Variants in CALN1 observed in about 807,000 individuals in gnomAD.
CALN1 encodes calcium-binding protein 8.
Under a neutral mutation model 30.6 loss-of-function variants are expected in CALN1, and 17 were observed. The observed-to-expected ratio is 0.56, with a 90% CI of 0.38 to 0.83. The LOEUF (loss-of-function observed/expected upper bound fraction) is 0.83, where lower values mean the gene tolerates loss of function less well. Among genes scored for constraint, CALN1 ranks in the 40% least tolerant of loss-of-function variants. The probability of loss-of-function intolerance (pLI) is 0.00; values close to 1 mark genes in which losing one functional copy is unlikely to be tolerated. For missense variants in CALN1, 291 were observed against 354.9 expected, an observed-to-expected ratio of 0.82 and a Z score of 1.45; for synonymous variants, 156 against 131.4, an observed-to-expected ratio of 1.19 and a Z score of -1.28.
At position 72,020,426 on chromosome 7, in the gene CALN1, A is replaced by G. The variant is rs368136803; in HGVS notation, c.501+3231T>C. Among the ~76,000 whole-genome samples the G allele has an allele frequency of 3.3e-4, 51 of 152,338 alleles. No individual in the cohort carries two copies. In the East Asian group the frequency reaches 5.0e-3, roughly 15 times the overall value. The stretch of plus-strand genomic sequence containing the variant: ...ACTGGGAACCTGAACTCTTTTCCAG[A>G]AACAAGCCAATGCTGTAGAAGTTTT... On this transcript the variant is annotated intron_variant, in intron 5 of 6. Coordinates refer to ENST00000395275, the MANE Select transcript of CALN1 (RefSeq NM_031468.4).
intron 4 of CALN1, among the ~76,000 whole-genome samples, chr7:72,078,924 G>A (rs1168150559): frequency 3.9e-5 from 6 of 152,068 alleles, no homozygotes; most frequent in African/African-American, 1.2e-4. Context: ...GTGAGATTCC[G>A]TCTCAAAAAA....
intron 5 of CALN1, among the ~76,000 whole-genome samples, chr7:71,980,455 G>C (rs1221105020): frequency 1.3e-5 from 2 of 152,094 alleles, no homozygotes; most frequent in African/African-American, 4.8e-5. Context: ...TCCCACAAGT[G>C]CTGGGATTAC....
chr7:72,466,860 G>A, the CALN1 span, among the ~76,000 whole-genome samples: 421 of 30,082 alleles, frequency 0.014, 1 homozygote, highest in African/African-American at 0.068. Context: ...GAAAGAAAGA[G>A]AAAGAAAAAG....
At chr7:72,371,442 T>A (rs1303297564) in intron 2 of CALN1, among the ~76,000 whole-genome samples, 1 of 152,136 alleles carries the variant, frequency 6.6e-6, no homozygotes, top group Non-Finnish European at 1.5e-5. Flanking sequence ...TGATAGTGAG[T>A]TCTCATGAGA....
At chr7:71,965,614 G>A (rs2129525718) in intron 5 of CALN1, among the ~76,000 whole-genome samples, 1 of 152,230 alleles carries the variant, frequency 6.6e-6, no homozygotes, top group East Asian at 1.9e-4. Context: ...CACTTAAATG[G>A]TGTATAGCTA....
chr7:72,365,143 A>T (rs1465483023), intron 2 of CALN1, among the ~76,000 whole-genome samples: 2 of 152,178 alleles, frequency 1.3e-5, no homozygotes, highest in Non-Finnish European at 2.9e-5. Context: ...AGTCTCTACT[A>T]AAAATACAAA....
intron 3 of CALN1, among the ~76,000 whole-genome samples, chr7:72,199,287 A>G (rs1055418650): frequency 1.3e-5 from 2 of 152,024 alleles, no homozygotes; most frequent in African/African-American, 4.8e-5. Context: ...ACAACACATC[A>G]ATCAATCAAT....
chr7:71,999,519 AT>A (rs34318737), intron 5 of CALN1, among the ~76,000 whole-genome samples: 225 of 145,366 alleles, frequency 1.5e-3, no homozygotes, highest in South Asian at 6.4e-3. Flanking sequence ...CAGCATATGC[AT>A]TTTTTTTTTT....
intron 3 of CALN1, among the ~76,000 whole-genome samples, chr7:72,117,365 T>C (rs938177997): frequency 1.3e-5 from 2 of 152,124 alleles, no homozygotes; most frequent in East Asian, 1.9e-4. Context: ...TGAAGTCTCA[T>C]AGATGGCAGC....
chr7:72,054,988 G>T (rs1015617140), intron 4 of CALN1, among the ~76,000 whole-genome samples: 1 of 152,146 alleles, frequency 6.6e-6, no homozygotes, highest in Admixed American at 6.6e-5. Context: ...AGATCCCTGA[G>T]GTCTAACCTG....
intron 5 of CALN1, among the ~76,000 whole-genome samples, chr7:71,889,667 C>T (rs60530198): frequency 0.37 from 56,806 of 151,986 alleles, 13,061 homozygotes; most frequent in African/African-American, 0.64. Context: ...AGAATTTGAG[C>T]CACTTGGCTG....
intron 5 of CALN1, among the ~76,000 whole-genome samples, chr7:71,935,716 C>G (rs1029089164): frequency 6.6e-6 from 1 of 151,786 alleles, no homozygotes. Context: ...AGCGAAACTC[C>G]GTCTCAAAAA....
chr7:72,085,796 A>G (rs1200212228), intron 4 of CALN1, among the ~76,000 whole-genome samples: 1 of 152,212 alleles, frequency 6.6e-6, no homozygotes, highest in Non-Finnish European at 1.5e-5. Context: ...AAAGTAAAAA[A>G]TCAGGTGGTA....
At chr7:72,045,887 T>C (rs2129534753) in intron 4 of CALN1, among the ~76,000 whole-genome samples, 2 of 150,090 alleles carry the variant, frequency 1.3e-5, no homozygotes, top group East Asian at 2.0e-4. Flanking sequence ...GTAATCCTGC[T>C]ACTCGGGAGG....
chr7:72,263,987 G>A (rs1410140331), intron 3 of CALN1, among the ~76,000 whole-genome samples: 2 of 152,150 alleles, frequency 1.3e-5, no homozygotes, highest in African/African-American at 2.4e-5. Context: ...AATATTAAGT[G>A]AAATTGATGA....
chr7:72,298,353 G>A (rs1799012163), intron 2 of CALN1, among the ~76,000 whole-genome samples: 1 of 150,782 alleles, frequency 6.6e-6, no homozygotes, highest in South Asian at 2.1e-4. Flanking sequence ...AAAGATGTAG[G>A]CCAGTGAGAG....
At chr7:72,233,741 C>T (rs778216272) in intron 3 of CALN1, among the ~76,000 whole-genome samples, 3 of 152,088 alleles carry the variant, frequency 2.0e-5, no homozygotes, top group Non-Finnish European at 2.9e-5. Context: ...TGCTGGCTCA[C>T]ATCTGTAATC....
intron 1 of CALN1, among the ~76,000 whole-genome samples, chr7:72,418,651 C>G (rs1370064647): frequency 1.3e-5 from 2 of 151,974 alleles, no homozygotes. Context: ...CTGGAGTTTA[C>G]CAGAGCTTTC....
chr7:71,917,630 G>A (rs1312104091), intron 5 of CALN1, among the ~76,000 whole-genome samples: 1 of 152,110 alleles, frequency 6.6e-6, no homozygotes, highest in East Asian at 1.9e-4. Flanking sequence ...ACCTCTCCAT[G>A]GGGCAGCAGG....
Sources: gnomAD v4.1 joint callset for allele counts (sites outside exome capture counted in the v4.1 genomes callset) on GRCh38, gnomAD v4.1.1 for gene constraint, MANE v1.5 for transcripts, NCBI Gene and HGNC (gene_info 2026-07-23, HGNC 2026-07-21) for gene names.